Variants in SORCS3 observed in about 807,000 individuals in gnomAD.
The protein encoded by SORCS3 is VPS10 domain-containing receptor SorCS3.
In SORCS3, 57 loss-of-function variants were observed where a neutral mutation model predicts 146.3. That is an observed-to-expected ratio of 0.39 (90% confidence interval 0.31 to 0.49). The LOEUF (loss-of-function observed/expected upper bound fraction) is 0.49. Among genes scored for constraint, SORCS3 ranks in the 20% least tolerant of loss-of-function variants. SORCS3 has a pLI of 0.92. For missense variants in SORCS3, 1,341 were observed against 1,575.5 expected (o/e 0.85, Z 2.52); for synonymous variants, 653 against 618.5 (o/e 1.06, Z -0.83).
rs555244191 is a variant in SORCS3 at position 104,689,880 on chromosome 10, C to T, written c.627+47926C>T. ...TTTGCAGACTGATTTCTCTGTAAACCGTACCATCCCATCTTGTCTGTGGCT... is the reference window on the plus strand; with the variant it reads ...TTTGCAGACTGATTTCTCTGTAAACTGTACCATCCCATCTTGTCTGTGGCT... On this transcript the variant is annotated intron_variant, in intron 1 of 26. Transcript: ENST00000369701. Among the ~76,000 whole-genome samples the T allele has an allele frequency of 6.6e-5, 10 of 152,298 alleles. No individual in the cohort carries two copies. The South Asian group carries it at 1.2e-3, about 19-fold the overall frequency.
chr10:105,158,651 C>T (rs2056232899), intron 10 of SORCS3, among the ~76,000 whole-genome samples: 1 of 151,468 alleles, frequency 6.6e-6, no homozygotes, highest in South Asian at 2.1e-4. Context: ...GAGGGAAAGG[C>T]ACGAGATTGT....
At chr10:105,128,415 C>T (rs1321922643) in intron 7 of SORCS3, among the ~76,000 whole-genome samples, 2 of 152,132 alleles carry the variant, frequency 1.3e-5, no homozygotes, top group African/African-American at 2.4e-5. Flanking sequence ...TAGCAGCTCA[C>T]GTGTATCTCC....
At chr10:105,154,547 C>T (rs1449745443) in intron 9 of SORCS3, among the ~76,000 whole-genome samples, 2 of 152,188 alleles carry the variant, frequency 1.3e-5, no homozygotes, top group African/African-American at 2.4e-5. Context: ...TTACCCTTCT[C>T]CCTGGACTGC....
intron 3 of SORCS3, among the ~76,000 whole-genome samples, chr10:104,963,325 T>C (rs2054806760): frequency 6.6e-6 from 1 of 152,200 alleles, no homozygotes. Flanking sequence ...GGCTTTGCCA[T>C]GGTCACCAAT....
At chr10:104,779,711 G>A (rs1323086450) in intron 1 of SORCS3, among the ~76,000 whole-genome samples, 2 of 152,072 alleles carry the variant, frequency 1.3e-5, no homozygotes, top group Admixed American at 6.6e-5. Flanking sequence ...TTTCCACGTG[G>A]TGCAGTGGCT....
intron 5 of SORCS3, among the ~76,000 whole-genome samples, chr10:105,061,652 CAAAAA>C (rs57641383): frequency 1.5e-5 from 2 of 132,570 alleles, no homozygotes; most frequent in Admixed American, 1.5e-4. Flanking sequence ...GACCCTATCT[CAAAAA>C]AAAAAAAAAA....
At chr10:104,836,879 C>T (rs909277079) in intron 1 of SORCS3, among the ~76,000 whole-genome samples, 2 of 151,880 alleles carry the variant, frequency 1.3e-5, no homozygotes, top group African/African-American at 4.8e-5. Flanking sequence ...CTACCCCTGT[C>T]CAATTTAAAA....
chr10:104,876,682 A>G (rs1428949831), intron 2 of SORCS3, among the ~76,000 whole-genome samples: 2 of 148,128 alleles, frequency 1.4e-5, no homozygotes, highest in African/African-American at 5.1e-5. Context: ...CACATTGCAC[A>G]TGCAATGAAC....
At position 105,147,702 on chromosome 10, in the gene SORCS3, T is replaced by C; in HGVS notation, c.1388T>C (p.Ile463Thr). 1 of 1,613,092 alleles carries C rather than the reference T, an allele frequency of 6.2e-7. No individual in the cohort carries two copies. The highest frequency in any genetic ancestry group is 1.1e-5 in the South Asian group (1 of 91,036). ...WNQNDTYNLY[I>T]SDTRGIYFTL... ...CAGAACGACACGTACAACCTCTACA[T>C]CTCAGACACGCGTGGGATTTACTTC... The change falls in exon 9 of 27, where the codon ATC (isoleucine) becomes ACC (threonine). Residue 463 changes from isoleucine to threonine, a missense_variant. By Grantham distance (89) the Ile-to-Thr change is moderately conservative (BLOSUM62 -1). Coordinates refer to ENST00000369701, the MANE Select transcript of SORCS3 (RefSeq NM_014978.3).
Position 105,125,863 on chromosome 10 carries a change from T to A in SORCS3, c.1213-13534T>A, listed in dbSNP as rs181554062. On this transcript the variant is annotated intron_variant, in intron 7 of 26. Coordinates refer to ENST00000369701, the MANE Select transcript of SORCS3 (RefSeq NM_014978.3). ...CAGATGTTGGACCTCACATCGTGAG[T>A]GTGGCTGTATGTTTCAAGGTCCAGA... Among the ~76,000 whole-genome samples the A allele has an allele frequency of 3.3e-5, 5 of 152,108 alleles. No individual in the cohort carries two copies. In the Middle Eastern group the frequency reaches 0.01, roughly 310 times the overall value.
intron 4 of SORCS3, among the ~76,000 whole-genome samples, chr10:105,004,479 G>A (rs539714918): frequency 5.9e-5 from 9 of 152,256 alleles, no homozygotes; most frequent in South Asian, 2.1e-4. Context: ...AGGGGGTACC[G>A]AACAGCTGAA....
intron 9 of SORCS3, among the ~76,000 whole-genome samples, chr10:105,152,242 C>T (rs554010889): frequency 9.6e-4 from 146 of 152,270 alleles, no homozygotes; most frequent in African/African-American, 3.4e-3. Context: ...ATGCTTTAGA[C>T]CAGCACTGTC....
At chr10:104,760,046 G>A (rs917818591) in intron 1 of SORCS3, among the ~76,000 whole-genome samples, 5 of 152,196 alleles carry the variant, frequency 3.3e-5, no homozygotes, top group African/African-American at 1.2e-4. Context: ...AACAGGAGTC[G>A]GTCATGCAAA....
chr10:104,659,564 A>G (rs1038857870), intron 1 of SORCS3, among the ~76,000 whole-genome samples: 4 of 152,228 alleles, frequency 2.6e-5, no homozygotes, highest in African/African-American at 9.6e-5. Context: ...GTGGAAGAGT[A>G]GTGCTTGGAT....
intron 1 of SORCS3, among the ~76,000 whole-genome samples, chr10:104,757,101 T>C (rs1268300168): frequency 1.5e-5 from 2 of 137,130 alleles, no homozygotes; most frequent in Admixed American, 7.9e-5. Flanking sequence ...TAGCCAATTA[T>C]AGCTCACAAA....
At chr10:105,241,404 CAG>C (rs2056822270) in intron 20 of SORCS3, among the ~76,000 whole-genome samples, 1 of 152,236 alleles carries the variant, frequency 6.6e-6, no homozygotes, top group African/African-American at 2.4e-5. Flanking sequence ...CCTGAAGCCC[CAG>C]AGGGGGTGTT....
intron 1 of SORCS3, among the ~76,000 whole-genome samples, chr10:104,808,700 A>G (rs1258667282): frequency 6.6e-6 from 1 of 152,242 alleles, no homozygotes; most frequent in Admixed American, 6.5e-5. Flanking sequence ...TCTATCAGCC[A>G]TCTTATGAAG....
chr10:105,223,021 A>G (rs1056046045), intron 19 of SORCS3, 95 bp from the exon 20 acceptor site: 2 of 1,301,668 alleles, frequency 1.5e-6, no homozygotes, highest in Admixed American at 4.7e-5. Context: ...TTTACAGGAG[A>G]TGCGAATAGA....
intron 1 of SORCS3, among the ~76,000 whole-genome samples, chr10:104,683,431 A>C (rs2016003680): frequency 6.6e-6 from 1 of 152,210 alleles, no homozygotes; most frequent in Admixed American, 6.5e-5. Flanking sequence ...GGGGAAGATA[A>C]AAGAAGTGGC....
Sources: gnomAD v4.1 joint callset for allele counts (sites outside exome capture counted in the v4.1 genomes callset) on GRCh38, gnomAD v4.1.1 for gene constraint, MANE v1.5 for transcripts, NCBI Gene and HGNC (gene_info 2026-07-23, HGNC 2026-07-21) for gene names.